RHOBTB1: variants seen among roughly 807,000 people sequenced by gnomAD.
RHOBTB1 encodes the protein Rho related BTB domain containing 1, also known as rho-related BTB domain-containing protein 1.
In RHOBTB1, 40 loss-of-function variants were observed where a neutral mutation model predicts 71.6. That is an observed-to-expected ratio of 0.56 (90% CI 0.43 to 0.73). The LOEUF (loss-of-function observed/expected upper bound fraction) is 0.73. Among genes scored for constraint, RHOBTB1 ranks in the 30% least tolerant of loss-of-function variants. The probability of loss-of-function intolerance (pLI) is 0.00; values close to 1 mark genes in which losing one functional copy is unlikely to be tolerated. For missense variants in RHOBTB1, 797 were observed against 894.0 expected (o/e 0.89, Z 1.38); for synonymous variants, 319 against 334.9 (o/e 0.95, Z 0.52).
intron 2 of RHOBTB1, among the ~76,000 whole-genome samples, chr10:60,956,426 T>C (rs1252152207): frequency 6.6e-6 from 1 of 152,184 alleles, no homozygotes; most frequent in Non-Finnish European, 1.5e-5. Flanking sequence ...ACTCTCAGGC[T>C]ACACTATATT....
chr10:60,958,214 GA>G (rs766027459), intron 2 of RHOBTB1, among the ~76,000 whole-genome samples: 23 of 152,256 alleles, frequency 1.5e-4, no homozygotes, highest in Admixed American at 3.9e-4. Flanking sequence ...GTTGAAGCCT[GA>G]AAAAATTTAG....
intron 2 of RHOBTB1, among the ~76,000 whole-genome samples, chr10:60,960,094 G>A (rs887121543): frequency 1.3e-5 from 2 of 152,158 alleles, no homozygotes; most frequent in Non-Finnish European, 2.9e-5. Context: ...ATCATCACAG[G>A]TGGTACTGTA....
intron 4 of RHOBTB1, among the ~76,000 whole-genome samples, chr10:60,905,614 A>G (rs1257824077): frequency 6.6e-6 from 1 of 151,840 alleles, no homozygotes; most frequent in African/African-American, 2.4e-5. Context: ...CTGTCTTTTT[A>G]AGATTATTAT....
intron 4 of RHOBTB1, among the ~76,000 whole-genome samples, chr10:60,909,246 C>G (rs2082842785): frequency 6.6e-6 from 1 of 152,186 alleles, no homozygotes. Flanking sequence ...TACCACCACA[C>G]CAGCTTTACG....
At chr10:60,949,314 C>T (rs2085336461) in intron 2 of RHOBTB1, among the ~76,000 whole-genome samples, 1 of 152,206 alleles carries the variant, frequency 6.6e-6, no homozygotes, top group Non-Finnish European at 1.5e-5. Flanking sequence ...CAAGGCATAA[C>T]CTACCATCAC....
At chr10:60,945,657 C>T (rs1441630529), upstream of RHOBTB1, among the ~76,000 whole-genome samples, 1 of 152,170 alleles carries the variant, frequency 6.6e-6, no homozygotes, top group African/African-American at 2.4e-5. Flanking sequence ...GCCTGGTGCT[C>T]TCTAAATCCC....
chr10:60,977,265 A>C (rs930605827), intron 2 of RHOBTB1, among the ~76,000 whole-genome samples: 13 of 152,112 alleles, frequency 8.5e-5, no homozygotes, highest in African/African-American at 2.7e-4. Flanking sequence ...CAAAGAAGCA[A>C]TTTTACTTAT....
chr10:60,993,505 C>T (rs77745609), intron 1 of RHOBTB1, among the ~76,000 whole-genome samples: 1 of 151,914 alleles, frequency 6.6e-6, no homozygotes, highest in Admixed American at 6.6e-5. Context: ...TTTTTTTCTC[C>T]TTTGCATTGC....
At position 60,918,855 on chromosome 10, in the gene RHOBTB1, T is replaced by C. The variant is rs559378129; in HGVS notation, c.-10-7303A>G. Among the ~76,000 whole-genome samples the C allele has an allele frequency of 2.0e-5, 3 of 152,138 alleles. No individual in the cohort carries two copies. The South Asian group carries it at 6.2e-4, about 32-fold the overall frequency. ...TCCACCTCCTGGGTTCAAGCAATTC[T>C]CCTGACTCAGCCTCCCGAGTAGCTG... On this transcript the variant is annotated intron_variant, in intron 2 of 10. Coordinates refer to ENST00000337910, the MANE Select transcript of RHOBTB1 (RefSeq NM_014836.5).
intron 1 of RHOBTB1, among the ~76,000 whole-genome samples, chr10:60,997,390 C>T (rs2087095266): frequency 6.6e-6 from 1 of 152,158 alleles, no homozygotes; most frequent in Non-Finnish European, 1.5e-5. Context: ...ATAATGGCTC[C>T]AAGCAATCTG....
intron 7 of RHOBTB1, among the ~76,000 whole-genome samples, 175 bp downstream of exon 7, chr10:60,885,937 C>G (rs895214198): frequency 6.6e-6 from 1 of 152,134 alleles, no homozygotes; most frequent in African/African-American, 2.4e-5. Flanking sequence ...GGTGACCAAA[C>G]CCTCAAGCAC....
intron 7 of RHOBTB1, among the ~76,000 whole-genome samples, chr10:60,879,690 C>A (rs921089349): frequency 1.3e-5 from 2 of 152,042 alleles, no homozygotes; most frequent in Non-Finnish European, 2.9e-5. Context: ...ATCTATACAA[C>A]ATATAAAGAT....
chr10:60,872,610 G>T (rs2080851964), intron 9 of RHOBTB1, among the ~76,000 whole-genome samples: 1 of 151,476 alleles, frequency 6.6e-6, no homozygotes, highest in South Asian at 2.1e-4. Flanking sequence ...GTGGCCTCTG[G>T]AAGGCACCAG....
intron 2 of RHOBTB1, among the ~76,000 whole-genome samples, chr10:60,937,589 G>A (rs1353311506): frequency 2.6e-5 from 4 of 152,188 alleles, no homozygotes; most frequent in Admixed American, 2.6e-4. Flanking sequence ...TGCAAGAGAA[G>A]CTTGGTATTC....
At chr10:60,865,693 T>C (rs962487711), downstream of RHOBTB1, among the ~76,000 whole-genome samples, 3 of 152,186 alleles carry the variant, frequency 2.0e-5, no homozygotes, top group Non-Finnish European at 4.4e-5. Context: ...GGCTGGCCCA[T>C]AGCCTTTCAG....
chr10:60,916,717 C>T lies in RHOBTB1; in HGVS notation c.-10-5165G>A, dbSNP rs892402421. Among the ~76,000 whole-genome samples, 12 of 152,292 alleles carry T rather than the reference C, an allele frequency of 7.9e-5. No individual in the cohort carries two copies. In the South Asian group the frequency reaches 8.3e-4, roughly 11 times the overall value. The stretch of plus-strand genomic sequence containing the variant: ...TGCAGAATAATAGCCTCCCTGAATA[C>T]GTCCACGGAATCCGCGGAACTTGTG... On this transcript the variant is annotated intron_variant, in intron 2 of 10. Coordinates refer to ENST00000337910, the MANE Select transcript of RHOBTB1 (RefSeq NM_014836.5).
In RHOBTB1 at chr10:60,878,373, A is replaced by G. The variant is rs566608154; in HGVS notation, c.1576-315T>C. Among the ~76,000 whole-genome samples the G allele has an allele frequency of 3.3e-5, 5 of 152,284 alleles. No individual in the cohort carries two copies. In the South Asian group the frequency reaches 1.0e-3, roughly 32 times the overall value. ...GGGGCCCTCATGCCAAGCACCTTAT[A>G]ATACTCTACTGTGGGGAAAGAAATC... On this transcript the variant is annotated intron_variant, in intron 7 of 10. Transcript: ENST00000337910.
At chr10:60,880,202 TGAGA>T (rs71018931) in intron 7 of RHOBTB1, among the ~76,000 whole-genome samples, 2,401 of 126,742 alleles carry the variant, frequency 0.019, 33 homozygotes, top group African/African-American at 0.038. Context: ...TGTGTGTGTG[TGAGA>T]GAGAGAGAGA....
At chr10:60,867,585 T>C (rs2080641626), downstream of RHOBTB1, among the ~76,000 whole-genome samples, 1 of 152,230 alleles carries the variant, frequency 6.6e-6, no homozygotes, top group Non-Finnish European at 1.5e-5. Context: ...GATCGCTTGG[T>C]TTCCACCCAA....
Sources: gnomAD v4.1 joint callset for allele counts (sites outside exome capture counted in the v4.1 genomes callset) on GRCh38, gnomAD v4.1.1 for gene constraint, MANE v1.5 for transcripts, NCBI Gene and HGNC (gene_info 2026-07-23, HGNC 2026-07-21) for gene names.